Variants in TBCEL observed in about 807,000 individuals in gnomAD.
TBCEL encodes tubulin folding cofactor E like.
A neutral mutation model predicts 44.2 loss-of-function variants in TBCEL; 15 were observed. The observed-to-expected ratio is 0.34, with a 90% CI of 0.23 to 0.52. The LOEUF (loss-of-function observed/expected upper bound fraction) is 0.52. TBCEL is among the 20% of genes least tolerant of loss of function. TBCEL has a pLI of 0.95. For synonymous variants in TBCEL, 171 were observed against 185.4 expected, an observed-to-expected ratio of 0.92 and a Z score of 0.63; for missense variants, 319 against 506.3, an observed-to-expected ratio of 0.63 and a Z score of 3.55.
At chr11:121,055,676 T>C (rs764836560) in intron 6 of TBCEL, among the ~76,000 whole-genome samples, 3 of 151,920 alleles carry the variant, frequency 2.0e-5, no homozygotes, top group African/African-American at 7.2e-5. Flanking sequence ...TGCTGTCTTT[T>C]CAAATGCTGA....
At chr11:121,037,948 A>C (rs1158616470) in intron 2 of TBCEL, among the ~76,000 whole-genome samples, 1 of 152,078 alleles carries the variant, frequency 6.6e-6, no homozygotes, top group Non-Finnish European at 1.5e-5. Flanking sequence ...GGAAATTGTA[A>C]AAAATGCAGA....
At chr11:121,048,560 C>T (rs776118483) in intron 4 of TBCEL, among the ~76,000 whole-genome samples, 4 of 151,842 alleles carry the variant, frequency 2.6e-5, no homozygotes, top group Non-Finnish European at 5.9e-5. Flanking sequence ...GAAGACTTTC[C>T]TAATGGGTTT....
At chr11:121,027,481 C>T (rs1338339443) in intron 1 of TBCEL, among the ~76,000 whole-genome samples, 1 of 152,188 alleles carries the variant, frequency 6.6e-6, no homozygotes, top group Non-Finnish European at 1.5e-5. Flanking sequence ...CTGAATAAAG[C>T]CCATGGTGTT....
At position 121,025,982 on chromosome 11, in the gene TBCEL, C is replaced by T. The variant is rs111870747; in HGVS notation, c.-126+1691C>T. Among the ~76,000 whole-genome samples the T allele has an allele frequency of 8.3e-3, 1,259 of 152,208 alleles. 26 individuals carry two copies. Among genetic ancestry groups the T allele is most frequent in the African/African-American group, 0.028 (1,181 of 41,512 alleles). ...CTAGTTCCACTTAGTTGCTTTATCA[C>T]AACATAGTTAAAGAAATTTTATTTT... On this transcript the variant is annotated intron_variant, in intron 1 of 8. Transcript: ENST00000683345.
intron 7 of TBCEL, among the ~76,000 whole-genome samples, chr11:121,059,327 C>T (rs994915699): frequency 2.0e-5 from 3 of 151,950 alleles, no homozygotes; most frequent in African/African-American, 7.2e-5. Context: ...TTTCTTTACA[C>T]AATTCTTTTG....
chr11:121,049,689 T>C (rs1278426375), intron 4 of TBCEL, among the ~76,000 whole-genome samples: 1 of 151,830 alleles, frequency 6.6e-6, no homozygotes, highest in East Asian at 1.9e-4. Flanking sequence ...TTTGTTTCTT[T>C]GGAAATACAA....
intron 2 of TBCEL, among the ~76,000 whole-genome samples, chr11:121,042,225 T>G (rs1286345941): frequency 6.6e-6 from 1 of 152,212 alleles, no homozygotes; most frequent in Non-Finnish European, 1.5e-5. Flanking sequence ...TTTGAACTGC[T>G]GATTGTATGA....
At chr11:121,058,535 T>C in intron 7 of TBCEL, 64 bp downstream of exon 7, 1 of 1,588,730 alleles carries the variant, frequency 6.3e-7, no homozygotes, top group Non-Finnish European at 8.6e-7. Context: ...AAAGGAATAA[T>C]GCACTGTTTA....
chr11:121,046,413 TG>T (rs1242416541), intron 3 of TBCEL, among the ~76,000 whole-genome samples: 15 of 152,120 alleles, frequency 9.9e-5, no homozygotes, highest in African/African-American at 3.6e-4. Context: ...TTTAGCTTAA[TG>T]TTGCCATTAA....
At chr11:121,036,034 A>G (rs1227747225) in intron 1 of TBCEL, 2 of 152,178 alleles carry the variant, frequency 1.3e-5, no homozygotes, top group Non-Finnish European at 2.9e-5. Flanking sequence ...GGCTTAACAG[A>G]TTAGAGCTAC....
chr11:121,078,240 AT>A, intron 8 of TBCEL, among the ~76,000 whole-genome samples: 1 of 152,134 alleles, frequency 6.6e-6, no homozygotes, highest in East Asian at 1.9e-4. Flanking sequence ...ATAATTGTGA[AT>A]TTGTTTATTT....
Position 121,042,675 on chromosome 11 carries a change from A to C in TBCEL, c.-17-2999A>C, listed in dbSNP as rs145682728. On this transcript the variant is annotated intron_variant, in intron 2 of 8. Coordinates refer to ENST00000683345, the MANE Select transcript of TBCEL (RefSeq NM_001363644.2). ...GAAAATTTTTGTTCAGTGGATGGGCATGTGCTCAGTGAGCATCTCCTGTGT... is the reference window on the plus strand; with the variant it reads ...GAAAATTTTTGTTCAGTGGATGGGCCTGTGCTCAGTGAGCATCTCCTGTGT... Among the ~76,000 whole-genome samples, 497 of 152,294 alleles carry C rather than the reference A, an allele frequency of 3.3e-3. 2 individuals carry two copies. The highest frequency in any genetic ancestry group is 0.011 in the African/African-American group (459 of 41,576).
intron 1 of TBCEL, among the ~76,000 whole-genome samples, chr11:121,027,487 G>T (rs12576574): frequency 0.17 from 26,146 of 151,988 alleles, 2,345 homozygotes; most frequent in East Asian, 0.33. Flanking sequence ...AAAGCCCATG[G>T]TGTTTAGCTT....
In TBCEL at chr11:121,088,287, G is replaced by C. The variant is rs922910170; in HGVS notation, c.*1191G>C. ...TTCTTTTGTTTTACATTTCAATTTA[G>C]TTGCCTCATAGAAGTATAACTGCCC... is the stretch of plus-strand genomic sequence containing the variant. On this transcript the variant is annotated 3_prime_UTR_variant, in exon 9 of 9. Transcript: ENST00000683345. 2 of 152,170 alleles carry C rather than the reference G, an allele frequency of 1.3e-5. No homozygotes were observed. The highest frequency in any genetic ancestry group is 1.3e-4 in the Admixed American group (2 of 15,278). The allele number at this position is 152,170 out of a possible 1,614,324, so 9.4% of individuals were successfully genotyped here. A position where few individuals can be genotyped will look rare whatever the true frequency, so the allele number is the denominator to read the frequency against.
intron 1 of TBCEL, among the ~76,000 whole-genome samples, chr11:121,025,751 G>A (rs980280944): frequency 6.6e-6 from 1 of 151,674 alleles, no homozygotes; most frequent in Non-Finnish European, 1.5e-5. Context: ...GGCCGGGGGA[G>A]AGGGAGGAGG....
chr11:121,054,041 A>C (rs1003086426), intron 5 of TBCEL, among the ~76,000 whole-genome samples: 7 of 151,838 alleles, frequency 4.6e-5, no homozygotes, highest in African/African-American at 1.4e-4. Flanking sequence ...TGATATGAGA[A>C]TTGAGCCTCA....
intron 4 of TBCEL, 200 bp downstream of exon 4, chr11:121,047,867 A>G (rs1027738598): frequency 3.2e-5 from 16 of 498,348 alleles, no homozygotes; most frequent in Non-Finnish European, 4.9e-5. Flanking sequence ...AGGCTGAGGC[A>G]GGAGGATCAC....
Position 121,090,311 on chromosome 11 carries a change from A to T in TBCEL, c.*3215A>T, listed in dbSNP as rs548575746. ...GCACTTGCACTAAGAGCTGATCACC[A>T]TTTGAGATACGCGGCTTAACGCACA... On this transcript the variant is annotated 3_prime_UTR_variant, in exon 9 of 9. Transcript: ENST00000683345. The T allele has an allele frequency of 6.6e-6, 1 of 152,324 alleles. No homozygotes were observed. Among genetic ancestry groups the T allele is most frequent in the East Asian group, 1.9e-4 (1 of 5,184 alleles). The allele number at this position is 152,324 out of a possible 1,614,324, so 9.4% of individuals were successfully genotyped here.
chr11:121,024,671 A>C (rs981507169), intron 1 of TBCEL, among the ~76,000 whole-genome samples: 1 of 152,056 alleles, frequency 6.6e-6, no homozygotes, highest in Non-Finnish European at 1.5e-5. Flanking sequence ...CAGCTGTTAG[A>C]AGAGGGAGAC....
Sources: allele counts gnomAD v4.1 joint callset (sites outside exome capture counted in the v4.1 genomes callset), GRCh38; gene constraint gnomAD v4.1.1; transcripts MANE v1.5; gene names NCBI Gene and HGNC (gene_info 2026-07-23, HGNC 2026-07-21).